The following LCORL variants were observed in gnomAD, a reference collection of about 807,000 sequenced individuals.
LCORL encodes ligand dependent nuclear receptor corepressor like, also known as ligand-dependent nuclear receptor corepressor-like protein.
In LCORL, 41 loss-of-function variants were observed where a neutral mutation model predicts 141.8. The ratio of observed to expected loss-of-function variants is 0.29; its 90% CI spans 0.23 to 0.38. LCORL has a LOEUF of 0.38. LCORL is among the 10% of genes least tolerant of loss of function. LCORL has a pLI of 1.00. For synonymous variants in LCORL, 618 were observed against 694.1 expected (o/e 0.89, Z 1.72); for missense variants, 1,759 against 2,035.0 (o/e 0.86, Z 2.61).
exon 7 of LCORL, chr4:17,873,564 T>C (rs1337929150): frequency 6.5e-6 from 8 of 1,233,816 alleles, no homozygotes; most frequent in Non-Finnish European, 8.1e-6. Context: ...TAATTTACTA[T>C]TGCCAAGATG....
At chr4:17,943,411 C>A (rs1227797720) in intron 4 of LCORL, among the ~76,000 whole-genome samples, 2 of 152,168 alleles carry the variant, frequency 1.3e-5, no homozygotes, top group African/African-American at 2.4e-5. Context: ...TGGTAGTTCA[C>A]AGAAAAACAA....
Position 17,900,928 on chromosome 4 carries a change from C to T in LCORL, c.682+8166G>A, listed in dbSNP as rs541344644. ...CCTTAGTTTTAGGAAACATATAACT[C>T]TTAAGTAGAATAAAGAAAGGAAATC... is the stretch of plus-strand genomic sequence containing the variant. On this transcript the variant is annotated intron_variant, in intron 5 of 7. Transcript: ENST00000635767. Among the ~76,000 whole-genome samples, 26 of 152,190 alleles carry T rather than the reference C, an allele frequency of 1.7e-4. No homozygotes were observed. The Middle Eastern group carries it at 0.02, about 119-fold the overall frequency.
chr4:17,893,312 A>T, intron 5 of LCORL: 3 of 861,124 alleles, frequency 3.5e-6, no homozygotes, highest in African/African-American at 1.8e-5. Context: ...TAGCTCAAGA[A>T]TGTTTATTTA....
At chr4:17,893,046 A>G (rs1215373974) in intron 5 of LCORL, among the ~76,000 whole-genome samples, 1 of 152,196 alleles carries the variant, frequency 6.6e-6, no homozygotes, top group African/African-American at 2.4e-5. Flanking sequence ...ACCTTTTATA[A>G]ATGTTTTACA....
intron 1 of LCORL, among the ~76,000 whole-genome samples, chr4:18,000,045 G>A (rs1721662419): frequency 6.6e-6 from 1 of 151,506 alleles, no homozygotes; most frequent in Non-Finnish European, 1.5e-5. Flanking sequence ...ACATTTTAAG[G>A]TAACTCTGCA....
intron 5 of LCORL, among the ~76,000 whole-genome samples, chr4:17,894,517 T>C (rs1484923273): frequency 6.6e-6 from 1 of 152,222 alleles, no homozygotes; most frequent in African/African-American, 2.4e-5. Context: ...AAAATGTTAA[T>C]GTTCATAAAA....
chr4:17,988,282 G>A (rs897895425), intron 1 of LCORL, among the ~76,000 whole-genome samples: 2 of 152,066 alleles, frequency 1.3e-5, no homozygotes, highest in African/African-American at 4.8e-5. Flanking sequence ...TTTATCAGCA[G>A]TGTGAAACTA....
exon 7 of LCORL, chr4:17,874,755 G>C: frequency 8.1e-7 from 1 of 1,233,796 alleles, no homozygotes; most frequent in South Asian, 4.1e-5. Flanking sequence ...AGGATCCAAG[G>C]ATACTTCAGA....
chr4:17,875,166 C>CTAA, exon 7 of LCORL: 1 of 1,232,262 alleles, frequency 8.1e-7, no homozygotes, highest in Non-Finnish European at 1.0e-6. Flanking sequence ...CAAGCAGCTG[C>CTAA]TAATACTTAC....
exon 8 of LCORL, chr4:17,841,399 CATA>C (rs1722389267): frequency 6.6e-6 from 1 of 151,868 alleles, no homozygotes; most frequent in African/African-American, 2.4e-5. Context: ...GGAGTCTGGT[CATA>C]ATATTGTTTT....
At chr4:17,951,177 C>G (rs897155226) in intron 4 of LCORL, among the ~76,000 whole-genome samples, 1 of 152,128 alleles carries the variant, frequency 6.6e-6, no homozygotes, top group Non-Finnish European at 1.5e-5. Context: ...ATCAATTAAT[C>G]AGACATTTTA....
intron 7 of LCORL, among the ~76,000 whole-genome samples, chr4:17,861,501 G>A (rs1032693084): frequency 7.2e-5 from 11 of 152,276 alleles, no homozygotes; most frequent in Middle Eastern, 6.8e-3. Context: ...CTAGGCCTCT[G>A]GGCCTGTGAT....
At chr4:17,886,122 A>C (rs779462912) in exon 6 of LCORL, 1 of 1,606,628 alleles carries the variant, frequency 6.2e-7, no homozygotes, top group South Asian at 1.1e-5. Context: ...TTCAGATTTT[A>C]TGCTGGTTTT....
exon 8 of LCORL, chr4:17,843,789 G>A (rs1722659063): frequency 6.3e-6 from 1 of 159,052 alleles, no homozygotes; most frequent in Admixed American, 6.1e-5. Context: ...TTATGACTTA[G>A]ATGGGCAGAA....
At chr4:17,842,646 CCT>C (rs1168567799) in exon 8 of LCORL, 2 of 319,618 alleles carry the variant, frequency 6.3e-6, no homozygotes, top group African/African-American at 4.3e-5. Flanking sequence ...TGATGTGACT[CCT>C]CTTTGATCTT....
intron 7 of LCORL, among the ~76,000 whole-genome samples, chr4:17,856,636 G>A (rs1471167111): frequency 1.3e-5 from 2 of 152,052 alleles, no homozygotes; most frequent in Non-Finnish European, 2.9e-5. Flanking sequence ...CTTTCCTTTT[G>A]CCTCTTCCAT....
At chr4:17,999,942 ATACTT>A (rs1721646043) in intron 1 of LCORL, among the ~76,000 whole-genome samples, 1 of 152,208 alleles carries the variant, frequency 6.6e-6, no homozygotes, top group Non-Finnish European at 1.5e-5. Context: ...ATGTTCATAA[ATACTT>A]TATACAATAG....
At chr4:17,873,063 G>C (rs550466021) in intron 7 of LCORL, among the ~76,000 whole-genome samples, 1 of 152,112 alleles carries the variant, frequency 6.6e-6, no homozygotes, top group South Asian at 2.1e-4. Context: ...CTGTCAAACT[G>C]CTTACTGCTT....
At chr4:18,008,720 T>C (rs1027940718) in intron 1 of LCORL, among the ~76,000 whole-genome samples, 2 of 152,160 alleles carry the variant, frequency 1.3e-5, no homozygotes, top group Non-Finnish European at 2.9e-5. Flanking sequence ...ACTCAATAAA[T>C]ATTATCTATC....
Sources: allele counts gnomAD v4.1 joint callset (sites outside exome capture counted in the v4.1 genomes callset), GRCh38; gene constraint gnomAD v4.1.1; transcripts MANE v1.5; gene names NCBI Gene and HGNC (gene_info 2026-07-23, HGNC 2026-07-21).